Variants in DGKI observed in about 807,000 individuals in gnomAD.
DGKI encodes diacylglycerol kinase iota.
DGKI carries 55 observed loss-of-function variants against 147.5 expected under a neutral mutation model. The ratio of observed to expected loss-of-function variants is 0.37; its 90% CI spans 0.30 to 0.47. DGKI has a LOEUF of 0.47. DGKI is among the 20% of genes least tolerant of loss of function. DGKI has a pLI of 1.00. For synonymous variants in DGKI, 469 were observed against 477.1 expected (o/e 0.98, Z 0.22); for missense variants, 1,007 against 1,323.8 (o/e 0.76, Z 3.71).
At chr7:137,742,286 G>GACA (rs1795195687) in intron 1 of DGKI, among the ~76,000 whole-genome samples, 2 of 151,884 alleles carry the variant, frequency 1.3e-5, no homozygotes, top group African/African-American at 2.4e-5. Context: ...AGCTCTGGCA[G>GACA]TGGTTGGTGC....
intron 2 of DGKI, among the ~76,000 whole-genome samples, chr7:137,687,064 T>C (rs936359721): frequency 6.6e-6 from 1 of 152,056 alleles, no homozygotes; most frequent in Non-Finnish European, 1.5e-5. Flanking sequence ...ATGACCCCCA[T>C]TGATTCCCCT....
intron 23 of DGKI, among the ~76,000 whole-genome samples, chr7:137,472,373 TTATATGTATATATAC>T (rs1814998478): frequency 1.6e-5 from 2 of 122,858 alleles, no homozygotes; most frequent in African/African-American, 3.7e-5. Context: ...CATATAATTA[TTATATGTATATATAC>T]ATATTATAAT....
chr7:137,607,981 T>C (rs1186388529), intron 10 of DGKI, among the ~76,000 whole-genome samples: 2 of 152,198 alleles, frequency 1.3e-5, no homozygotes, highest in African/African-American at 4.8e-5. Context: ...AAGAATAATA[T>C]TTCATTTAAA....
At chr7:137,424,883 A>T (rs897067478) in intron 28 of DGKI, among the ~76,000 whole-genome samples, 6 of 152,252 alleles carry the variant, frequency 3.9e-5, no homozygotes, top group East Asian at 1.9e-4. Context: ...CAAAGCAGCC[A>T]GGAAGCTCGA....
Position 137,382,588 on chromosome 7 carries a change from T to C in DGKI, c.*8632A>G, listed in dbSNP as rs1258247771. On this transcript the variant is annotated 3_prime_UTR_variant, in exon 33 of 33. Transcript: ENST00000614521. The stretch of plus-strand genomic sequence containing the variant: ...CCACTTTGAACAAATTTAATCTTTC[T>C]GTATGTTTCCTGAGTTTGATTTTCA... 3.3e-5 allele frequency: 5 copies of C among 152,110 alleles called. No individual in the cohort carries two copies. Among genetic ancestry groups the C allele is most frequent in the Admixed American group, 2.6e-4 (4 of 15,258 alleles). The allele number at this position is 152,110 out of a possible 1,614,324, so 9.4% of individuals were successfully genotyped here. A position where few individuals can be genotyped will look rare whatever the true frequency, so the allele number is the denominator to read the frequency against.
intron 1 of DGKI, among the ~76,000 whole-genome samples, chr7:137,784,857 A>C (rs1225758252): frequency 6.6e-6 from 1 of 152,110 alleles, no homozygotes; most frequent in African/African-American, 2.4e-5. Flanking sequence ...AAATTAAATA[A>C]CTTGTTCCTG....
rs1403994998 is a variant in DGKI at position 137,846,845 on chromosome 7, C to T, written c.18G>A (p.Arg6=). Residue 6 remains arginine (R), a synonymous_variant, in exon 1 of 33, where the codon AGG becomes AGA. Transcript: ENST00000614521. This position sits in a 1 kb window ranked among gnomAD's most constrained non-coding sequence, Gnocchi z 4.0. ...CTGGCAGGGGCAGCAAATGGCAGCC[C>T]CTTCCCGCAGCATCCATCCGCGGCT... MDAAG[R]GCHLLPLPAA... is the part of the protein sequence containing the mutation. 6.9e-6 allele frequency: 8 copies of T among 1,153,768 alleles called. No homozygotes were observed. The highest frequency in any genetic ancestry group is 8.5e-5 in the South Asian group (2 of 23,614). The allele number at this position is 1,153,768 out of a possible 1,614,324, so 71.5% of individuals were successfully genotyped here. A position where few individuals can be genotyped will look rare whatever the true frequency, so the allele number is the denominator to read the frequency against.
chr7:137,404,610 G>A (rs1032018077), intron 30 of DGKI, among the ~76,000 whole-genome samples: 1 of 152,170 alleles, frequency 6.6e-6, no homozygotes, highest in African/African-American at 2.4e-5. Context: ...GGTGAGGCAG[G>A]AAAGGTATAG....
At chr7:137,598,002 G>T in intron 11 of DGKI, 95 bp from the exon 12 acceptor site, 1 of 1,045,892 alleles carries the variant, frequency 9.6e-7, no homozygotes. Context: ...TAGGGGTGGT[G>T]TCCGCTGGAG....
At chr7:137,734,762 G>C (rs1794975624) in intron 1 of DGKI, among the ~76,000 whole-genome samples, 1 of 152,020 alleles carries the variant, frequency 6.6e-6, no homozygotes, top group South Asian at 2.1e-4. Context: ...AAGCTTTAGG[G>C]CAATTTCCAA....
intron 1 of DGKI, among the ~76,000 whole-genome samples, chr7:137,715,860 G>A (rs758741910): frequency 1.6e-4 from 25 of 152,122 alleles, no homozygotes; most frequent in Admixed American, 2.0e-4. Flanking sequence ...CACAGAGGAG[G>A]AGTTCAGCCT....
chr7:137,632,476 A>G (rs537441182), intron 6 of DGKI, among the ~76,000 whole-genome samples: 7 of 152,256 alleles, frequency 4.6e-5, no homozygotes, highest in African/African-American at 1.7e-4. Context: ...AAATGTCCAA[A>G]TATTCTAAAG....
At chr7:137,462,576 C>A (rs1274446024) in intron 27 of DGKI, among the ~76,000 whole-genome samples, 1 of 152,170 alleles carries the variant, frequency 6.6e-6, no homozygotes, top group African/African-American at 2.4e-5. Flanking sequence ...TCTGGTCTTT[C>A]TCCAGAAACA....
intron 20 of DGKI, among the ~76,000 whole-genome samples, chr7:137,537,889 A>C (rs1382946217): frequency 6.6e-6 from 1 of 152,184 alleles, no homozygotes; most frequent in Non-Finnish European, 1.5e-5. Context: ...TTAAAGAGTT[A>C]AGGTGTGGCA....
intron 28 of DGKI, among the ~76,000 whole-genome samples, chr7:137,414,447 T>C (rs1329461495): frequency 6.6e-6 from 1 of 151,208 alleles, no homozygotes; most frequent in Non-Finnish European, 1.5e-5. Flanking sequence ...GCACACCAAT[T>C]AATTGTTGAA....
In DGKI at chr7:137,759,660, T is replaced by C. The variant is rs116056445; in HGVS notation, c.402-69658A>G. On this transcript the variant is annotated intron_variant, in intron 1 of 32. Transcript: ENST00000614521. Reference sequence around the variant, plus strand: ...CCCAGCCCTTCTACATTCTTATTGATAGAGATTCTCAAGCAGCTATAGAAG... The same window carrying C: ...CCCAGCCCTTCTACATTCTTATTGACAGAGATTCTCAAGCAGCTATAGAAG... 4.4e-3 allele frequency among the ~76,000 whole-genome samples: 664 copies of C among 152,196 alleles called. 4 individuals are homozygous for C. Among genetic ancestry groups the C allele is most frequent in the African/African-American group, 0.015 (632 of 41,516 alleles).
intron 19 of DGKI, 105 bp downstream of exon 19, chr7:137,571,070 T>G (rs112042432): frequency 3.7e-5 from 28 of 766,502 alleles, no homozygotes; most frequent in African/African-American, 2.6e-4. Flanking sequence ...TCATAAAATG[T>G]GTAACTTGAT....
chr7:137,614,446 T>C (rs879103610), intron 8 of DGKI, among the ~76,000 whole-genome samples: 2 of 152,184 alleles, frequency 1.3e-5, no homozygotes, highest in Admixed American at 1.3e-4. Flanking sequence ...TTAACTTGCC[T>C]GTCCAATCAA....
At chr7:137,444,474 T>C (rs1022377262) in intron 27 of DGKI, among the ~76,000 whole-genome samples, 5 of 152,204 alleles carry the variant, frequency 3.3e-5, no homozygotes, top group Admixed American at 6.5e-5. Context: ...AAGCATTAGA[T>C]TGGGTGTCTG....
Sources: allele counts gnomAD v4.1 joint callset (sites outside exome capture counted in the v4.1 genomes callset), GRCh38; gene constraint gnomAD v4.1.1; non-coding constraint Gnocchi (gnomAD v3.1); transcripts MANE v1.5; gene names NCBI Gene and HGNC (gene_info 2026-07-23, HGNC 2026-07-21).